Variants in PITPNC1 observed in about 807,000 individuals in gnomAD.
PITPNC1 encodes cytoplasmic phosphatidylinositol transfer protein 1.
A neutral mutation model predicts 44.7 loss-of-function variants in PITPNC1; 18 were observed. That is an observed-to-expected ratio of 0.40 (90% CI 0.28 to 0.60). The LOEUF (loss-of-function observed/expected upper bound fraction) is 0.60. Ranked by LOEUF, PITPNC1 falls within the 20% of genes least tolerant of loss-of-function variation. PITPNC1 has a pLI of 0.39. For missense variants in PITPNC1, 290 were observed against 418.4 expected (o/e 0.69, Z 2.68); for synonymous variants, 141 against 149.6 (o/e 0.94, Z 0.42).
chr17:67,659,007 C>T (rs2042307074), intron 6 of PITPNC1, among the ~76,000 whole-genome samples: 1 of 152,150 alleles, frequency 6.6e-6, no homozygotes, highest in South Asian at 2.1e-4. Flanking sequence ...TTTAACTCCA[C>T]CTCCTGTATT....
At chr17:67,494,285 C>T (rs913853782) in intron 1 of PITPNC1, among the ~76,000 whole-genome samples, 1 of 151,488 alleles carries the variant, frequency 6.6e-6, no homozygotes, top group African/African-American at 2.4e-5. Flanking sequence ...ACTGCAACCT[C>T]TACCTCCTGG....
At chr17:67,690,730 C>A (rs1206707075) in intron 8 of PITPNC1, among the ~76,000 whole-genome samples, 2 of 152,020 alleles carry the variant, frequency 1.3e-5, no homozygotes, top group Non-Finnish European at 2.9e-5. Flanking sequence ...TTTAATAAGC[C>A]CAGGTTCCTC....
chr17:67,388,744 C>T (rs2038091847), intron 1 of PITPNC1, among the ~76,000 whole-genome samples: 1 of 152,104 alleles, frequency 6.6e-6, no homozygotes, highest in Non-Finnish European at 1.5e-5. Context: ...CCTCAGCTTT[C>T]TTAGTAGCTG....
At chr17:67,425,203 G>GCACGCACACACACACACACACA (rs1555649746) in intron 1 of PITPNC1, among the ~76,000 whole-genome samples, 3 of 98,780 alleles carry the variant, frequency 3.0e-5, no homozygotes, top group Admixed American at 1.0e-4. Flanking sequence ...GCACGCACAC[G>GCACGCACACACACACACACACA]CACACACACA....
chr17:67,511,666 G>A (rs376875951), intron 1 of PITPNC1, among the ~76,000 whole-genome samples: 7 of 151,920 alleles, frequency 4.6e-5, no homozygotes, highest in South Asian at 4.2e-4. Context: ...TCACCACCAC[G>A]CCCAGCTAAT....
At position 67,508,920 on chromosome 17, in the gene PITPNC1, G is replaced by A. The variant is rs1402374828; in HGVS notation, c.49-23882G>A. ...GTTAAAATGGTAAATTTCATGTTAT[G>A]TATGTTTTACCATAATTTAAAAATA... On this transcript the variant is annotated intron_variant, in intron 1 of 8. Coordinates refer to ENST00000581322, the MANE Select transcript of PITPNC1 (RefSeq NM_012417.4). This position sits in a 1 kb window ranked among gnomAD's most constrained non-coding sequence, Gnocchi z 4.2. Among the ~76,000 whole-genome samples, 1 of 152,156 alleles carries A rather than the reference G, an allele frequency of 6.6e-6. No homozygotes were observed. Among genetic ancestry groups the A allele is most frequent in the Non-Finnish European group, 1.5e-5 (1 of 68,044 alleles).
At chr17:67,621,887 A>C (rs1172657181) in intron 5 of PITPNC1, among the ~76,000 whole-genome samples, 1 of 151,616 alleles carries the variant, frequency 6.6e-6, no homozygotes, top group Admixed American at 6.6e-5. Flanking sequence ...GGAGGCCATG[A>C]CAGGAGGATC....
rs1350895208 is a variant in PITPNC1, at chr17:67,664,918, AAAG to A, written c.463-4579_463-4577del. Among the ~76,000 whole-genome samples the A allele has an allele frequency of 2.5e-3, 347 of 140,018 alleles. 1 individual carries two copies. Among genetic ancestry groups the A allele is most frequent in the African/African-American group, 7.8e-3 (235 of 29,990 alleles). 91.9% of individuals were successfully genotyped at this position (140,018 alleles called of 152,430 possible). On this transcript the variant is annotated intron_variant, in intron 6 of 8. Coordinates refer to ENST00000581322, the MANE Select transcript of PITPNC1 (RefSeq NM_012417.4). ...AGACTCCATCTCAAAAAAAAAAAAA[AAAG>A]AAGAAGAAGACTTTGTTTCTTTGTA... is the stretch of plus-strand genomic sequence containing the variant.
Position 67,392,456 on chromosome 17 carries a change from C to T in PITPNC1, c.48+14254C>T, listed in dbSNP as rs1042828886. The stretch of plus-strand genomic sequence containing the variant: ...CCGGGGTCTCGCCATGTTGCCCAGG[C>T]TGGTCTCAAACTCCCGAGCTCAAGT... On this transcript the variant is annotated intron_variant, in intron 1 of 8. Coordinates refer to ENST00000581322, the MANE Select transcript of PITPNC1 (RefSeq NM_012417.4). Among the ~76,000 whole-genome samples the T allele has an allele frequency of 4.6e-5, 7 of 152,262 alleles. No individual in the cohort carries two copies. In the East Asian group the frequency reaches 1.4e-3, roughly 29 times the overall value.
chr17:67,531,866 T>A (rs1384231892), intron 1 of PITPNC1, among the ~76,000 whole-genome samples: 1 of 152,142 alleles, frequency 6.6e-6, no homozygotes, highest in African/African-American at 2.4e-5. Flanking sequence ...TTGTACCTCA[T>A]GCAAAAGTTG....
rs1568052082 is a variant in PITPNC1 at position 67,583,897 on chromosome 17, T to TGTGTGTGTG, written c.366+5640_366+5641insGTGTGTGTG. Among the ~76,000 whole-genome samples, 678 of 106,346 alleles carry TGTGTGTGTG rather than the reference T, an allele frequency of 6.4e-3. 8 individuals are homozygous for TGTGTGTGTG. Among genetic ancestry groups the TGTGTGTGTG allele is most frequent in the African/African-American group, 0.022 (640 of 29,142 alleles). 69.8% of individuals were successfully genotyped at this position (106,346 alleles called of 152,430 possible). A position where few individuals can be genotyped will look rare whatever the true frequency, so the allele number is the denominator to read the frequency against. On this transcript the variant is annotated intron_variant, in intron 5 of 8. Coordinates refer to ENST00000581322, the MANE Select transcript of PITPNC1 (RefSeq NM_012417.4). The stretch of plus-strand genomic sequence containing the variant: ...TGTGTGTGTGTGTGTGTGTGTGTGT[T>TGTGTGTGTG]TGTGTGTGTGTGTGTTTGTGTTTAG...
At position 67,519,946 on chromosome 17, in the gene PITPNC1, A is replaced by C. The variant is rs568748381; in HGVS notation, c.49-12856A>C. ...TGTCTAGGCATGAAGTGCCTTGAAT[A>C]ACTCTTTCAAGACATTAAGAACTCC... is the stretch of plus-strand genomic sequence containing the variant. On this transcript the variant is annotated intron_variant, in intron 1 of 8. Coordinates refer to ENST00000581322, the MANE Select transcript of PITPNC1 (RefSeq NM_012417.4). Among the ~76,000 whole-genome samples, 5 of 152,344 alleles carry C rather than the reference A, an allele frequency of 3.3e-5. No homozygotes were observed. In the South Asian group the frequency reaches 1.0e-3, roughly 32 times the overall value.
At chr17:67,385,403 G>C (rs897318576) in intron 1 of PITPNC1, among the ~76,000 whole-genome samples, 1 of 152,144 alleles carries the variant, frequency 6.6e-6, no homozygotes, top group Non-Finnish European at 1.5e-5. Context: ...GTAAAATGGA[G>C]CAATCAGCAC....
intron 5 of PITPNC1, among the ~76,000 whole-genome samples, chr17:67,581,337 T>C (rs751944959): frequency 7.9e-5 from 12 of 152,226 alleles, no homozygotes; most frequent in Non-Finnish European, 1.5e-4. Flanking sequence ...TATCACCTAT[T>C]CACTCTGTGC....
intron 1 of PITPNC1, among the ~76,000 whole-genome samples, chr17:67,509,826 T>G (rs2040157974): frequency 6.6e-6 from 1 of 151,854 alleles, no homozygotes; most frequent in African/African-American, 2.4e-5. Context: ...GGTGGCTGAG[T>G]TTTTATTTGG....
chr17:67,624,145 T>C (rs1363202291), intron 5 of PITPNC1, among the ~76,000 whole-genome samples: 1 of 152,188 alleles, frequency 6.6e-6, no homozygotes, highest in Non-Finnish European at 1.5e-5. Flanking sequence ...ATTATAATAA[T>C]GTTGCAATAA....
intron 5 of PITPNC1, among the ~76,000 whole-genome samples, chr17:67,609,533 G>A (rs182496649): frequency 2.2e-4 from 33 of 151,950 alleles, no homozygotes; most frequent in Non-Finnish European, 3.8e-4. Flanking sequence ...CAGGTAATCC[G>A]CCCACCTCAG....
chr17:67,578,293 G>C (rs755319159), intron 5 of PITPNC1, 36 bp downstream of exon 5: 8 of 1,436,412 alleles, frequency 5.6e-6, no homozygotes, highest in Admixed American at 3.4e-5. Flanking sequence ...CGCTCGCCTC[G>C]TGGGCTCTGA....
At chr17:67,400,671 T>G (rs1003465713) in intron 1 of PITPNC1, among the ~76,000 whole-genome samples, 1 of 152,082 alleles carries the variant, frequency 6.6e-6, no homozygotes, top group Non-Finnish European at 1.5e-5. Flanking sequence ...ACCAGAGCCC[T>G]CTTTCTAAAA....
Sources: gnomAD v4.1 joint callset for allele counts (sites outside exome capture counted in the v4.1 genomes callset) on GRCh38, gnomAD v4.1.1 for gene constraint, Gnocchi (gnomAD v3.1) non-coding constraint, MANE v1.5 for transcripts, NCBI Gene and HGNC (gene_info 2026-07-23, HGNC 2026-07-21) for gene names.